TTC28: variants seen among roughly 807,000 people sequenced by gnomAD.
TTC28 encodes the protein tetratricopeptide repeat domain 28.
Under a neutral mutation model 198.0 loss-of-function variants are expected in TTC28, and 61 were observed. That is an observed-to-expected ratio of 0.31 (90% CI 0.25 to 0.38). The LOEUF is 0.38. TTC28 is among the 10% of genes least tolerant of loss of function. The pLI is 1.00. For synonymous variants in TTC28, 1,171 were observed against 1,297.8 expected (o/e 0.90, Z 2.10); for missense variants, 2,678 against 3,164.0 (o/e 0.85, Z 3.69).
At chr22:28,063,493 C>G (rs939008472) in intron 12 of TTC28, among the ~76,000 whole-genome samples, 1 of 152,210 alleles carries the variant, frequency 6.6e-6, no homozygotes, top group Non-Finnish European at 1.5e-5. Flanking sequence ...CTTGTGTTCA[C>G]AAGCTAGGAC....
At chr22:28,669,677 T>C (rs1051358751) in intron 1 of TTC28, among the ~76,000 whole-genome samples, 5 of 152,228 alleles carry the variant, frequency 3.3e-5, no homozygotes, top group African/African-American at 1.2e-4. Context: ...AAGTTACTTA[T>C]AATCCAATTT....
At chr22:28,661,039 C>T (rs2051735375) in intron 1 of TTC28, among the ~76,000 whole-genome samples, 1 of 151,810 alleles carries the variant, frequency 6.6e-6, no homozygotes, top group African/African-American at 2.4e-5. Flanking sequence ...AATCCCAGCA[C>T]TTTGGGAGGC....
At chr22:28,428,946 A>G (rs1416553746) in intron 2 of TTC28, among the ~76,000 whole-genome samples, 2 of 152,096 alleles carry the variant, frequency 1.3e-5, no homozygotes, top group Non-Finnish European at 2.9e-5. Flanking sequence ...AGCCCATTTC[A>G]TGAATTATTA....
At chr22:28,304,778 G>A (rs1486966050) in intron 3 of TTC28, among the ~76,000 whole-genome samples, 2 of 152,102 alleles carry the variant, frequency 1.3e-5, no homozygotes, top group Non-Finnish European at 2.9e-5. Flanking sequence ...GAATAAAGAG[G>A]TAGTATCTTC....
chr22:28,153,979 A>G (rs970172021), intron 6 of TTC28, among the ~76,000 whole-genome samples: 5 of 152,180 alleles, frequency 3.3e-5, no homozygotes, highest in African/African-American at 1.2e-4. Context: ...CTTTGTATCT[A>G]TGGCAGGTGT....
rs897394448 is a variant in TTC28 at position 27,982,113 on chromosome 22, T to C, written c.*108A>G. On this transcript the variant is annotated 3_prime_UTR_variant, in exon 23 of 23. Transcript: ENST00000397906. The surrounding 1 kb of genome is among the most constrained non-coding windows in gnomAD (Gnocchi z 5.2). The stretch of plus-strand genomic sequence containing the variant: ...TGCCCCTCGCCTGCAGAGCACAGCA[T>C]CATGAGGGTGCTGGTGGCTGTGGGG... The C allele has an allele frequency of 3.4e-6, 4 of 1,171,146 alleles. No homozygotes were observed. In the African/African-American group the frequency reaches 6.2e-5, roughly 18 times the overall value. The allele number at this position is 1,171,146 out of a possible 1,614,324, so 72.5% of individuals were successfully genotyped here.
chr22:28,258,902 AGTGT>A (rs34572491), intron 5 of TTC28, among the ~76,000 whole-genome samples: 1,575 of 147,768 alleles, frequency 0.011, 10 homozygotes, highest in African/African-American at 0.014. Context: ...TTGGTTAAAG[AGTGT>A]GTGTGTGTGT....
At chr22:28,392,822 A>C (rs1191441984) in intron 2 of TTC28, among the ~76,000 whole-genome samples, 1 of 141,298 alleles carries the variant, frequency 7.1e-6, no homozygotes. Context: ...TCACGCTGGG[A>C]GCTGTAGACC....
intron 2 of TTC28, among the ~76,000 whole-genome samples, chr22:28,448,849 T>C (rs1033809296): frequency 2.0e-5 from 3 of 152,116 alleles, no homozygotes; most frequent in Admixed American, 6.6e-5. Context: ...CCTTCCACTA[T>C]CAGGCAGCTC....
chr22:28,389,913 T>A lies in TTC28; in HGVS notation c.382-83270A>T, dbSNP rs1358872228. Among the ~76,000 whole-genome samples the A allele has an allele frequency of 5.3e-5, 8 of 151,994 alleles. No homozygotes were observed. In the South Asian group the frequency reaches 6.2e-4, roughly 12 times the overall value. On this transcript the variant is annotated intron_variant, in intron 2 of 22. Transcript: ENST00000397906. ...TTGAATGTGTTTGCTCTTGCTTCTC[T>A]AGTTCTTTTAATTGTGATGTTAGGG...
chr22:28,049,064 C>T (rs756050106), intron 12 of TTC28, among the ~76,000 whole-genome samples: 1 of 152,156 alleles, frequency 6.6e-6, no homozygotes, highest in Admixed American at 6.5e-5. Flanking sequence ...CCCCTGATTG[C>T]ATGGACAGGT....
intron 5 of TTC28, among the ~76,000 whole-genome samples, chr22:28,215,296 TAAAG>T (rs1051849834): frequency 7.9e-5 from 12 of 152,178 alleles, no homozygotes; most frequent in Admixed American, 3.9e-4. Flanking sequence ...AATAAATAAA[TAAAG>T]AAGACTGGAT....
chr22:28,376,158 C>G (rs1022097730), intron 2 of TTC28, among the ~76,000 whole-genome samples: 4 of 152,214 alleles, frequency 2.6e-5, no homozygotes, highest in Admixed American at 1.3e-4. Flanking sequence ...ATCTACCTTT[C>G]TATCTACTAT....
intron 12 of TTC28, among the ~76,000 whole-genome samples, chr22:28,051,714 T>A (rs1443603298): frequency 6.6e-6 from 1 of 152,210 alleles, no homozygotes; most frequent in Non-Finnish European, 1.5e-5. Context: ...GGTTATTAGC[T>A]AGTGGGAAAC....
At chr22:28,590,294 ATT>A (rs907421627) in intron 2 of TTC28, among the ~76,000 whole-genome samples, 1 of 150,916 alleles carries the variant, frequency 6.6e-6, no homozygotes, top group Non-Finnish European at 1.5e-5. Flanking sequence ...CACCCAGATA[ATT>A]TTTTTTGTAT....
intron 6 of TTC28, among the ~76,000 whole-genome samples, chr22:28,118,623 C>A (rs567602227): frequency 1.3e-5 from 2 of 152,130 alleles, no homozygotes; most frequent in East Asian, 3.9e-4. Context: ...ACCACGTAGC[C>A]TAAGTGTGTA....
At chr22:28,540,172 T>C (rs1219735998) in intron 2 of TTC28, among the ~76,000 whole-genome samples, 1 of 152,002 alleles carries the variant, frequency 6.6e-6, no homozygotes, top group Non-Finnish European at 1.5e-5. Context: ...GGTCTCTATC[T>C]CCTGACCTCA....
intron 2 of TTC28, among the ~76,000 whole-genome samples, chr22:28,395,761 T>C (rs1172594530): frequency 2.0e-5 from 3 of 152,152 alleles, no homozygotes; most frequent in Non-Finnish European, 2.9e-5. Context: ...CTCAACCTAA[T>C]TATTTACATT....
intron 5 of TTC28, among the ~76,000 whole-genome samples, chr22:28,237,583 T>C (rs5762534): frequency 0.13 from 20,235 of 152,244 alleles, 1,483 homozygotes; most frequent in South Asian, 0.24. Flanking sequence ...AAACATGTTA[T>C]AAGCCCCACA....
Sources: gnomAD v4.1 joint callset for allele counts (sites outside exome capture counted in the v4.1 genomes callset) on GRCh38, gnomAD v4.1.1 for gene constraint, Gnocchi (gnomAD v3.1) non-coding constraint, MANE v1.5 for transcripts, NCBI Gene and HGNC (gene_info 2026-07-23, HGNC 2026-07-21) for gene names.